Variants in SPATA17 observed in about 807,000 individuals in gnomAD.
SPATA17 encodes spermatogenesis-associated protein 17.
SPATA17 carries 53 observed loss-of-function variants against 62.2 expected under a neutral mutation model. The ratio of observed to expected loss-of-function variants is 0.85; its 90% CI spans 0.68 to 1.07. SPATA17 has a LOEUF of 1.07. SPATA17 is among the 50% of genes least tolerant of loss of function. The pLI is 0.00. For missense variants in SPATA17, 466 were observed against 425.5 expected, an observed-to-expected ratio of 1.10 and a Z score of -0.84; for synonymous variants, 146 against 146.8, an observed-to-expected ratio of 0.99 and a Z score of 0.04.
chr1:217,769,232 C>T lies in SPATA17; in HGVS notation c.520-5102C>T, dbSNP rs368644848. On this transcript the variant is annotated intron_variant, in intron 6 of 10. Transcript: ENST00000366933. The stretch of plus-strand genomic sequence containing the variant: ...AGAAAAAAAATCAAAGTGTACCTTT[C>T]GTATATGAAATACATGAGGAAAAAC... 4.6e-5 allele frequency among the ~76,000 whole-genome samples: 7 copies of T among 152,234 alleles called. No homozygotes were observed. In the East Asian group the frequency reaches 7.7e-4, roughly 17 times the overall value.
At chr1:217,805,671 G>A (rs1429344849) in intron 9 of SPATA17, among the ~76,000 whole-genome samples, 1 of 152,004 alleles carries the variant, frequency 6.6e-6, no homozygotes, top group African/African-American at 2.4e-5. Context: ...TTTACAAATG[G>A]CCAACAAGTA....
At chr1:217,861,182 A>G (rs1364643648) in intron 9 of SPATA17, among the ~76,000 whole-genome samples, 1 of 151,882 alleles carries the variant, frequency 6.6e-6, no homozygotes, top group Non-Finnish European at 1.5e-5. Context: ...CATTGTTGTT[A>G]TTATTATTTA....
chr1:217,829,693 T>A (rs1675088182), intron 9 of SPATA17, among the ~76,000 whole-genome samples: 1 of 148,078 alleles, frequency 6.8e-6, no homozygotes. Context: ...AAGATATATT[T>A]TAAAACGAGC....
At chr1:217,760,224 T>C (rs754254316) in intron 6 of SPATA17, among the ~76,000 whole-genome samples, 6 of 152,178 alleles carry the variant, frequency 3.9e-5, no homozygotes, top group Non-Finnish European at 1.5e-5. Context: ...TTGTGAAGAA[T>C]AGTTATATTT....
intron 6 of SPATA17, among the ~76,000 whole-genome samples, chr1:217,747,647 A>G (rs991423035): frequency 1.6e-4 from 25 of 152,198 alleles, no homozygotes; most frequent in African/African-American, 5.5e-4. Flanking sequence ...ATAACTCAGT[A>G]TAACTATGCA....
chr1:217,795,381 T>TTTTTTTTTA, intron 8 of SPATA17, among the ~76,000 whole-genome samples: 1 of 145,812 alleles, frequency 6.9e-6, no homozygotes, highest in Non-Finnish European at 1.5e-5. Context: ...TTTTTTTTTT[T>TTTTTTTTTA]TTTTTCGAGA....
intron 5 of SPATA17, among the ~76,000 whole-genome samples, chr1:217,700,765 T>TTC (rs1213188631): frequency 6.7e-6 from 1 of 148,554 alleles, no homozygotes; most frequent in Non-Finnish European, 1.5e-5. Flanking sequence ...TCTTTTTCTT[T>TTC]TTTTTTTTTT....
chr1:217,747,747 C>T (rs943514702), intron 6 of SPATA17, among the ~76,000 whole-genome samples: 49 of 152,032 alleles, frequency 3.2e-4, no homozygotes, highest in Non-Finnish European at 5.2e-4. Context: ...AATTGTTACA[C>T]GTATATAATG....
rs73097204 is a variant in SPATA17 at position 217,757,674 on chromosome 1, G to A, written c.519+15576G>A. ...CAAGGTTAGAGGAGAGTTTTAGAAT[G>A]GTAGAAGCTTGTACATGTTCGTCAG... On this transcript the variant is annotated intron_variant, in intron 6 of 10. Coordinates refer to ENST00000366933, the MANE Select transcript of SPATA17 (RefSeq NM_138796.4). Among the ~76,000 whole-genome samples, 1,095 of 152,258 alleles carry A rather than the reference G, an allele frequency of 7.2e-3. 10 individuals are homozygous for A. Among genetic ancestry groups the A allele is most frequent in the African/African-American group, 0.025 (1,043 of 41,550 alleles).
At chr1:217,683,864 G>A (rs1459259192) in intron 5 of SPATA17, among the ~76,000 whole-genome samples, 1 of 151,968 alleles carries the variant, frequency 6.6e-6, no homozygotes, top group Non-Finnish European at 1.5e-5. Flanking sequence ...TTCACTGCAA[G>A]TTATTTATGT....
intron 5 of SPATA17, among the ~76,000 whole-genome samples, chr1:217,696,202 G>A (rs970482974): frequency 6.6e-6 from 1 of 152,212 alleles, no homozygotes; most frequent in African/African-American, 2.4e-5. Flanking sequence ...GTGGTGCACC[G>A]TTTTTTAAGC....
At chr1:217,715,231 C>T (rs977966569) in intron 5 of SPATA17, among the ~76,000 whole-genome samples, 10 of 152,118 alleles carry the variant, frequency 6.6e-5, no homozygotes, top group South Asian at 2.1e-4. Flanking sequence ...AAATCTTCAC[C>T]GTATTAACAG....
At chr1:217,845,243 C>T (rs578150175) in intron 9 of SPATA17, among the ~76,000 whole-genome samples, 1 of 152,150 alleles carries the variant, frequency 6.6e-6, no homozygotes, top group East Asian at 1.9e-4. Flanking sequence ...ATTTTTCTTC[C>T]ATAGGCCTAT....
chr1:217,759,511 A>T (rs1365434741), intron 6 of SPATA17, among the ~76,000 whole-genome samples: 1 of 152,180 alleles, frequency 6.6e-6, no homozygotes, highest in African/African-American at 2.4e-5. Flanking sequence ...GCAATGGGGA[A>T]CTGAGTTAAG....
intron 8 of SPATA17, among the ~76,000 whole-genome samples, chr1:217,790,655 C>T (rs961524179): frequency 1.4e-4 from 21 of 152,052 alleles, no homozygotes; most frequent in Admixed American, 1.0e-3. Context: ...GTCTCAATCT[C>T]CTGACCTCGT....
chr1:217,757,765 C>T (rs758629305), intron 6 of SPATA17, among the ~76,000 whole-genome samples: 9 of 151,934 alleles, frequency 5.9e-5, no homozygotes, highest in South Asian at 2.1e-4. Flanking sequence ...ACATGGACCC[C>T]GAAAAGGTGA....
At chr1:217,653,070 T>C (rs1038791711) in intron 3 of SPATA17, among the ~76,000 whole-genome samples, 3 of 152,238 alleles carry the variant, frequency 2.0e-5, no homozygotes, top group African/African-American at 7.2e-5. Context: ...TGAGTGATTT[T>C]CAGATCAGAT....
At chr1:217,726,746 A>G (rs573403921) in intron 5 of SPATA17, among the ~76,000 whole-genome samples, 39 of 151,120 alleles carry the variant, frequency 2.6e-4, no homozygotes, top group African/African-American at 5.8e-4. Flanking sequence ...CTGCTTTTAG[A>G]AAAGGGTTAT....
intron 3 of SPATA17, among the ~76,000 whole-genome samples, chr1:217,662,822 A>G (rs1670599237): frequency 6.6e-6 from 1 of 152,150 alleles, no homozygotes; most frequent in African/African-American, 2.4e-5. Flanking sequence ...TTTAGATGAG[A>G]AAATGCCCAA....
Sources: allele counts gnomAD v4.1 joint callset (sites outside exome capture counted in the v4.1 genomes callset), GRCh38; gene constraint gnomAD v4.1.1; transcripts MANE v1.5; gene names NCBI Gene and HGNC (gene_info 2026-07-23, HGNC 2026-07-21).